OTC: variants seen among roughly 807,000 people sequenced by gnomAD.
OTC encodes the protein ornithine transcarbamylase, also known as ornithine transcarbamylase, mitochondrial.
OTC carries 3 observed loss-of-function variants against 30.3 expected under a neutral mutation model. The ratio of observed to expected loss-of-function variants is 0.10; its 90% CI spans 0.05 to 0.26. The LOEUF is 0.26. Among genes scored for constraint, OTC ranks in the 10% least tolerant of loss-of-function variants. The pLI, the probability that OTC is intolerant of heterozygous loss-of-function variation, is 1.00. For synonymous variants in OTC, 111 were observed against 99.7 expected, an observed-to-expected ratio of 1.11 and a Z score of -0.67; for missense variants, 194 against 260.3, an observed-to-expected ratio of 0.75 and a Z score of 1.75.
intron 3 of OTC, chrX:38,373,601 A>G (rs1242730158): frequency 1.8e-5 from 2 of 112,614 alleles, no homozygotes; most frequent in South Asian, 7.4e-4. Flanking sequence ...TCAAGGTGAA[A>G]TAGAAACTGG....
intron 1 of OTC, among the ~76,000 whole-genome samples, chrX:38,358,896 A>G (rs2068255977): frequency 9.0e-6 from 1 of 110,593 alleles, no homozygotes; most frequent in Non-Finnish European, 1.9e-5. Context: ...TGCTGGGATT[A>G]CAAGCATGAG....
intron 9 of OTC, among the ~76,000 whole-genome samples, chrX:38,416,885 G>A (rs2068572966): frequency 9.0e-6 from 1 of 111,514 alleles, no homozygotes; most frequent in South Asian, 3.8e-4. Context: ...GGGCTCCCAG[G>A]AACCCATTAA....
intron 3 of OTC, among the ~76,000 whole-genome samples, chrX:38,376,887 G>C (rs1389689025): frequency 8.9e-6 from 1 of 112,171 alleles, no homozygotes; most frequent in Admixed American, 9.5e-5. Context: ...TGCAATAATA[G>C]CTGAGGACTT....
At chrX:38,363,851 G>A (rs2068283036) in intron 1 of OTC, among the ~76,000 whole-genome samples, 1 of 111,421 alleles carries the variant, frequency 9.0e-6, no homozygotes, top group Non-Finnish European at 1.9e-5. Context: ...TTTGCCGGGC[G>A]TGGTGGCTCA....
chrX:38,421,579 G>C (rs2068595962), downstream of OTC: 2 of 121,567 alleles, frequency 1.6e-5, no homozygotes, highest in Admixed American at 1.7e-4. Flanking sequence ...CAATGAGGTA[G>C]ACAGGCATTC....
At chrX:38,368,945 G>A (rs1225752121) in intron 2 of OTC, among the ~76,000 whole-genome samples, 8 of 108,287 alleles carry the variant, frequency 7.4e-5, no homozygotes, top group Admixed American at 5.0e-4. Context: ...AGGAGGAAGC[G>A]CCCCACCCCA....
intron 4 of OTC, 130 bp from the exon 5 acceptor site, chrX:38,401,145 A>G: frequency 1.8e-6 from 1 of 543,897 alleles, no homozygotes; most frequent in Non-Finnish European, 3.2e-6. Flanking sequence ...TAAACCTGTA[A>G]TGTTGGTAGG....
At chrX:38,409,129 C>T (rs1243745139) in intron 8 of OTC, 104 bp downstream of exon 8, 57 of 857,225 alleles carry the variant, frequency 6.6e-5, no homozygotes, top group Non-Finnish European at 9.6e-5. Flanking sequence ...CCTTTCATTC[C>T]CTATAAAAGG....
intron 4 of OTC, among the ~76,000 whole-genome samples, chrX:38,389,602 A>C (rs1200971102): frequency 9.0e-6 from 1 of 111,687 alleles, no homozygotes; most frequent in East Asian, 2.8e-4. Context: ...GAGAACACCA[A>C]GAACCCAGCA....
intron 4 of OTC, among the ~76,000 whole-genome samples, chrX:38,383,869 G>T (rs2068389247): frequency 1.8e-5 from 2 of 110,630 alleles, no homozygotes; most frequent in Admixed American, 1.9e-4. Flanking sequence ...CACGTCAAGA[G>T]GTCCCCAGGA....
At chrX:38,386,794 T>C (rs1259159921) in intron 4 of OTC, among the ~76,000 whole-genome samples, 1 of 112,420 alleles carries the variant, frequency 8.9e-6, no homozygotes. Flanking sequence ...GAGTTTCTGA[T>C]TTCAATTACT....
At chrX:38,385,699 C>G (rs2068399232) in intron 4 of OTC, among the ~76,000 whole-genome samples, 1 of 111,801 alleles carries the variant, frequency 8.9e-6, no homozygotes, top group Non-Finnish European at 1.9e-5. Flanking sequence ...ACAGATTGGT[C>G]CTCAGTCTCA....
intron 8 of OTC, among the ~76,000 whole-genome samples, chrX:38,410,009 AT>A (rs1430054440): frequency 9.0e-6 from 1 of 110,699 alleles, no homozygotes; most frequent in Non-Finnish European, 1.9e-5. Flanking sequence ...ATAACTATTG[AT>A]TTTTTTGTAA....
chrX:38,371,290 C>T (rs1314556526), intron 3 of OTC, among the ~76,000 whole-genome samples: 2 of 110,878 alleles, frequency 1.8e-5, no homozygotes, highest in Non-Finnish European at 3.8e-5. Context: ...TTTTTTTCCT[C>T]AAGCTATTAT....
At chrX:38,328,756 A>G in the OTC span, among the ~76,000 whole-genome samples, 1 of 112,178 alleles carries the variant, frequency 8.9e-6, no homozygotes, top group Non-Finnish European at 1.9e-5. Context: ...CCTGGTCTAG[A>G]TGCTTTGTAG....
At chrX:38,387,747 T>G (rs1329225579) in intron 4 of OTC, among the ~76,000 whole-genome samples, 4 of 111,773 alleles carry the variant, frequency 3.6e-5, no homozygotes, top group Non-Finnish European at 7.5e-5. Context: ...TAGGGGAGAC[T>G]AGGCACAAGC....
chrX:38,381,149 A>T (rs2068374180), intron 3 of OTC, among the ~76,000 whole-genome samples, 193 bp from the exon 4 acceptor site: 1 of 112,330 alleles, frequency 8.9e-6, no homozygotes, highest in African/African-American at 3.2e-5. Context: ...AGGAGAGTTA[A>T]TTACTTGAGC....
chrX:38,330,335 C>T, the OTC span, among the ~76,000 whole-genome samples: 3 of 112,168 alleles, frequency 2.7e-5, no homozygotes, highest in Non-Finnish European at 3.8e-5. Flanking sequence ...CCGTTTCACA[C>T]TTCAGAACTA....
chrX:38,347,558 A>C, the OTC span, among the ~76,000 whole-genome samples: 1 of 112,499 alleles, frequency 8.9e-6, no homozygotes, highest in Non-Finnish European at 1.9e-5. Flanking sequence ...GCAACCAGCT[A>C]TAAAAATTAT....
Sources: gnomAD v4.1 joint callset for allele counts (sites outside exome capture counted in the v4.1 genomes callset) on GRCh38, gnomAD v4.1.1 for gene constraint, MANE v1.5 for transcripts, NCBI Gene and HGNC (gene_info 2026-07-23, HGNC 2026-07-21) for gene names.